ASIC2: variants seen among roughly 807,000 people sequenced by gnomAD.
ASIC2 encodes the protein acid-sensing ion channel 2.
A neutral mutation model predicts 57.3 loss-of-function variants in ASIC2; 25 were observed. The ratio of observed to expected loss-of-function variants is 0.44; its 90% CI spans 0.32 to 0.61. ASIC2 has a LOEUF of 0.61. Ranked by LOEUF, ASIC2 falls within the 20% of genes least tolerant of loss-of-function variation. ASIC2 has a pLI of 0.06. For synonymous variants in ASIC2, 319 were observed against 307.5 expected, an observed-to-expected ratio of 1.04 and a Z score of -0.39; for missense variants, 641 against 738.1, an observed-to-expected ratio of 0.87 and a Z score of 1.52.
At chr17:33,743,112 T>A (rs1490916) in intron 1 of ASIC2, among the ~76,000 whole-genome samples, 1 of 152,234 alleles carries the variant, frequency 6.6e-6, no homozygotes, top group Non-Finnish European at 1.5e-5. Flanking sequence ...CTTAGGAATT[T>A]CATGCTGGCA....
rs951443895 is a variant in ASIC2, at chr17:33,819,942, C to T, written c.555+336036G>A. Among the ~76,000 whole-genome samples the T allele has an allele frequency of 3.9e-5, 6 of 152,248 alleles. No individual in the cohort carries two copies. In the South Asian group the frequency reaches 1.0e-3, roughly 26 times the overall value. On this transcript the variant is annotated intron_variant, in intron 1 of 9. Coordinates refer to the ASIC2 transcript ENST00000359872. ...TTTGAATTTGGAAAGCTGTATGTCA[C>T]CTCAGGCTTCGGTCTCCTGCCTCTG... is the stretch of plus-strand genomic sequence containing the variant.
At chr17:33,126,041 G>T (rs2092321915) in intron 1 of ASIC2, among the ~76,000 whole-genome samples, 1 of 152,226 alleles carries the variant, frequency 6.6e-6, no homozygotes, top group Non-Finnish European at 1.5e-5. Flanking sequence ...AAAGTCAGAT[G>T]AAAACAGGAG....
chr17:33,737,899 A>G (rs1299798902), intron 1 of ASIC2, among the ~76,000 whole-genome samples: 2 of 152,212 alleles, frequency 1.3e-5, no homozygotes, highest in East Asian at 3.9e-4. Flanking sequence ...AATGACCCCA[A>G]CTCTTCTACT....
chr17:33,576,983 A>G (rs1916644124), intron 1 of ASIC2, among the ~76,000 whole-genome samples: 1 of 152,238 alleles, frequency 6.6e-6, no homozygotes, highest in South Asian at 2.1e-4. Context: ...GGCCTGACAT[A>G]TAGTATGTTC....
chr17:33,626,403 G>C (rs1905985342), intron 1 of ASIC2, among the ~76,000 whole-genome samples: 1 of 152,090 alleles, frequency 6.6e-6, no homozygotes, highest in Non-Finnish European at 1.5e-5. Flanking sequence ...AGATTCACTA[G>C]CTTTTTTAAA....
intron 1 of ASIC2, among the ~76,000 whole-genome samples, chr17:33,390,551 T>C (rs527310801): frequency 2.6e-5 from 4 of 152,310 alleles, no homozygotes; most frequent in East Asian, 1.9e-4. Context: ...TGCCTCTGCC[T>C]CAAGGTCTCT....
intron 1 of ASIC2, among the ~76,000 whole-genome samples, chr17:33,381,309 C>T (rs1282561543): frequency 2.0e-5 from 3 of 152,230 alleles, no homozygotes; most frequent in East Asian, 3.8e-4. Context: ...GGCTGGTTCA[C>T]ACCCATCCTG....
intron 1 of ASIC2, among the ~76,000 whole-genome samples, chr17:33,774,374 G>C (rs995062989): frequency 3.9e-5 from 6 of 152,148 alleles, no homozygotes; most frequent in Non-Finnish European, 8.8e-5. Flanking sequence ...TCATGTCTAG[G>C]CTCATTAGGA....
intron 1 of ASIC2, among the ~76,000 whole-genome samples, chr17:33,674,917 G>A (rs1221682196): frequency 1.3e-5 from 2 of 152,170 alleles, no homozygotes; most frequent in Admixed American, 6.5e-5. Context: ...ACTTTTCTGA[G>A]CCTCTTGTTT....
At chr17:33,771,901 A>G (rs1911124852) in intron 1 of ASIC2, among the ~76,000 whole-genome samples, 1 of 152,178 alleles carries the variant, frequency 6.6e-6, no homozygotes, top group Admixed American at 6.5e-5. Context: ...CGTGCATACT[A>G]TACTATATAC....
At chr17:33,566,111 T>G (rs1016813532) in intron 1 of ASIC2, among the ~76,000 whole-genome samples, 3 of 152,230 alleles carry the variant, frequency 2.0e-5, no homozygotes, top group African/African-American at 7.2e-5. Flanking sequence ...CTTACGTCTT[T>G]CTCTGTTACT....
At chr17:34,008,833 T>C (rs2142019793) in intron 1 of ASIC2, among the ~76,000 whole-genome samples, 1 of 152,332 alleles carries the variant, frequency 6.6e-6, no homozygotes, top group South Asian at 2.1e-4. Flanking sequence ...GTACAGAGTT[T>C]GCAGAGAACA....
intron 1 of ASIC2, among the ~76,000 whole-genome samples, chr17:33,190,393 A>G (rs1193615437): frequency 3.3e-5 from 5 of 152,186 alleles, no homozygotes; most frequent in Non-Finnish European, 2.9e-5. Flanking sequence ...ATTAAAGATC[A>G]CATATGTAAA....
chr17:33,343,136 C>T (rs1907796411), intron 1 of ASIC2, among the ~76,000 whole-genome samples: 1 of 152,200 alleles, frequency 6.6e-6, no homozygotes, highest in African/African-American at 2.4e-5. Context: ...CAGACAAAGA[C>T]AAAAAGCTGT....
chr17:33,105,843 G>A (rs2092232517), intron 2 of ASIC2, among the ~76,000 whole-genome samples: 3 of 152,224 alleles, frequency 2.0e-5, no homozygotes. Context: ...CTCTTGCTAG[G>A]CTTTAGCAAA....
intron 1 of ASIC2, among the ~76,000 whole-genome samples, chr17:33,452,738 G>GGTGTGTGTGTGTGTGTGTGT (rs35126239): frequency 6.0e-4 from 85 of 140,508 alleles, no homozygotes; most frequent in South Asian, 3.9e-3. Flanking sequence ...AACAGAGTGG[G>GGTGTGTGTGTGTGTGTGTGT]GTGTGTGTGT....
chr17:33,328,877 G>T (rs1907188377), intron 1 of ASIC2, among the ~76,000 whole-genome samples: 1 of 152,064 alleles, frequency 6.6e-6, no homozygotes, highest in South Asian at 2.1e-4. Flanking sequence ...TAGTCTCCAG[G>T]GGATACCCTG....
chr17:33,961,512 G>T (rs1338472069), intron 1 of ASIC2, among the ~76,000 whole-genome samples: 1 of 152,208 alleles, frequency 6.6e-6, no homozygotes, highest in Non-Finnish European at 1.5e-5. Flanking sequence ...AAGCTGAGCT[G>T]CATAGTAATG....
intron 1 of ASIC2, among the ~76,000 whole-genome samples, chr17:33,799,438 CTTTCT>C (rs1567719095): frequency 2.1e-3 from 97 of 46,056 alleles, no homozygotes; most frequent in Non-Finnish European, 2.8e-3. Flanking sequence ...TTCTTTCTTT[CTTTCT>C]TTCTTTCTTT....
Sources: allele counts gnomAD v4.1 joint callset (sites outside exome capture counted in the v4.1 genomes callset), GRCh38; gene constraint gnomAD v4.1.1; transcripts MANE v1.5; gene names NCBI Gene and HGNC (gene_info 2026-07-23, HGNC 2026-07-21).